ESR1: variants seen among roughly 807,000 people sequenced by gnomAD.
ESR1 encodes the protein estrogen receptor.
A neutral mutation model predicts 52.7 loss-of-function variants in ESR1; 12 were observed. The observed-to-expected ratio is 0.23, with a 90% confidence interval of 0.15 to 0.37. The LOEUF (loss-of-function observed/expected upper bound fraction) is 0.37. ESR1 is among the 10% of genes least tolerant of loss of function. The probability of loss-of-function intolerance (pLI) is 1.00; values close to 1 mark genes in which losing one functional copy is unlikely to be tolerated. For missense variants in ESR1, 584 were observed against 779.7 expected (o/e 0.75, Z 2.99); for synonymous variants, 305 against 316.8 (o/e 0.96, Z 0.39).
At chr6:151,837,121 CTTT>C (rs11372738) in intron 1 of ESR1, among the ~76,000 whole-genome samples, 7 of 134,392 alleles carry the variant, frequency 5.2e-5, no homozygotes, top group Non-Finnish European at 7.8e-5. Flanking sequence ...AGACATCCCT[CTTT>C]TTTTTTTTTT....
At chr6:151,875,909 G>T (rs1270358223) in intron 2 of ESR1, among the ~76,000 whole-genome samples, 1 of 152,120 alleles carries the variant, frequency 6.6e-6, no homozygotes, top group Non-Finnish European at 1.5e-5. Flanking sequence ...GGAGCCTCAG[G>T]ACATTGAGGC....
chr6:151,696,328 C>T (rs138017605), intron 1 of ESR1, among the ~76,000 whole-genome samples: 3,018 of 151,888 alleles, frequency 0.02, 38 homozygotes, highest in East Asian at 0.032. Context: ...AAAAATTAGC[C>T]GGACATGGTG....
chr6:151,916,017 A>G (rs2030061538), intron 3 of ESR1, among the ~76,000 whole-genome samples: 1 of 152,234 alleles, frequency 6.6e-6, no homozygotes, highest in Admixed American at 6.5e-5. Context: ...GGCAATTGTA[A>G]GCAAAGGATC....
chr6:152,123,444 AC>A (rs2052166777), intron 6 of ESR1, among the ~76,000 whole-genome samples: 2 of 152,226 alleles, frequency 1.3e-5, no homozygotes, highest in Admixed American at 6.5e-5. Flanking sequence ...ACTCAAAGTG[AC>A]AAGTTTTTCT....
chr6:152,035,434 A>C (rs1584934582), intron 5 of ESR1, among the ~76,000 whole-genome samples: 1 of 152,198 alleles, frequency 6.6e-6, no homozygotes, highest in East Asian at 1.9e-4. Flanking sequence ...CAGTAATATC[A>C]TAAAACATTA....
chr6:152,056,614 T>G (rs183101937), intron 5 of ESR1, among the ~76,000 whole-genome samples: 2 of 152,320 alleles, frequency 1.3e-5, no homozygotes, highest in East Asian at 3.9e-4. Flanking sequence ...GAACATGCCA[T>G]GAGCAAATGC....
intron 2 of ESR1, among the ~76,000 whole-genome samples, chr6:151,708,960 T>C (rs900243401): frequency 3.9e-5 from 6 of 152,204 alleles, no homozygotes; most frequent in African/African-American, 1.4e-4. Context: ...CATGAAGTTA[T>C]CATTTTTGTG....
chr6:151,856,052 A>G (rs1425438718), intron 2 of ESR1, among the ~76,000 whole-genome samples: 2 of 152,224 alleles, frequency 1.3e-5, no homozygotes, highest in Non-Finnish European at 1.5e-5. Context: ...TTTCTTATAT[A>G]TATGTTTCAC....
intron 1 of ESR1, among the ~76,000 whole-genome samples, chr6:151,672,458 T>C (rs1446447871): frequency 6.6e-6 from 1 of 152,054 alleles, no homozygotes; most frequent in African/African-American, 2.4e-5. Context: ...TGCCTCAGCC[T>C]CCTAGGTAGC....
intron 2 of ESR1, among the ~76,000 whole-genome samples, chr6:151,727,499 G>A (rs1781934554): frequency 6.6e-6 from 1 of 152,104 alleles, no homozygotes; most frequent in Non-Finnish European, 1.5e-5. Context: ...ACTATGCCTG[G>A]CTGGATTCAT....
Position 151,868,516 on chromosome 6 carries a change from T to C in ESR1, c.644-12139T>C, listed in dbSNP as rs117855749. On this transcript the variant is annotated intron_variant, in intron 2 of 7. Coordinates refer to ENST00000206249, the MANE Select transcript of ESR1 (RefSeq NM_000125.4). ...TCTATTGTTTCTGTCTTTATGTTCATGTGTACCAAATATTTAGCTCCCACT... is the reference window on the plus strand; with the variant it reads ...TCTATTGTTTCTGTCTTTATGTTCACGTGTACCAAATATTTAGCTCCCACT... Among the ~76,000 whole-genome samples, 1,300 of 152,292 alleles carry C rather than the reference T, an allele frequency of 8.5e-3. 12 individuals carry two copies. Among genetic ancestry groups the C allele is most frequent in the Middle Eastern group, 0.017 (5 of 294 alleles).
chr6:151,808,338 C>G lies in ESR1; in HGVS notation c.426C>G (p.Arg142=), dbSNP rs2128157153. The change falls in exon 1 of 8, where the codon CGC becomes CGG. Residue 142 remains arginine, a synonymous_variant. Transcript: ENST00000206249. The stretch of plus-strand genomic sequence containing the variant: ...ACGAGCCCAGCGGCTACACGGTGCG[C>G]GAGGCCGGCCCGCCGGCATTCTACA... ...LENEPSGYTV[R]EAGPPAFYRP... is the part of the protein sequence containing the mutation. 6.8e-7 allele frequency: 1 copy of G among 1,481,246 alleles called. No homozygotes were observed. Among genetic ancestry groups the G allele is most frequent in the Non-Finnish European group, 9.0e-7 (1 of 1,109,488 alleles). The allele number at this position is 1,481,246 out of a possible 1,614,324, so 91.8% of individuals were successfully genotyped here. A position where few individuals can be genotyped will look rare whatever the true frequency, so the allele number is the denominator to read the frequency against.
chr6:151,991,607 A>T (rs2041026849), intron 4 of ESR1, among the ~76,000 whole-genome samples: 1 of 152,132 alleles, frequency 6.6e-6, no homozygotes, highest in Non-Finnish European at 1.5e-5. Flanking sequence ...TTTCACAGAG[A>T]AAACGGCCCC....
intron 7 of ESR1, chr6:152,096,565 A>G (rs1217043953): frequency 2.2e-6 from 1 of 448,938 alleles, no homozygotes; most frequent in Non-Finnish European, 4.5e-6. Flanking sequence ...TGAGGGAATG[A>G]ATGGATGAAC....
At chr6:152,044,707 C>T (rs557681724) in intron 5 of ESR1, among the ~76,000 whole-genome samples, 17 of 152,286 alleles carry the variant, frequency 1.1e-4, no homozygotes, top group South Asian at 8.3e-4. Flanking sequence ...AGATGGAAGC[C>T]GGAAGACTTA....
chr6:151,683,790 C>A (rs1040280510), intron 1 of ESR1, among the ~76,000 whole-genome samples: 1 of 151,980 alleles, frequency 6.6e-6, no homozygotes, highest in African/African-American at 2.4e-5. Context: ...CCTCCACCTC[C>A]CAGGTTCAAG....
intron 5 of ESR1, among the ~76,000 whole-genome samples, chr6:152,060,204 G>T (rs1396791720): frequency 6.6e-6 from 1 of 152,090 alleles, no homozygotes; most frequent in Non-Finnish European, 1.5e-5. Context: ...TTTAATAGTT[G>T]CAACTACTAA....
At chr6:151,886,832 GGAGT>G (rs1190204100) in intron 3 of ESR1, among the ~76,000 whole-genome samples, 2 of 152,088 alleles carry the variant, frequency 1.3e-5, no homozygotes, top group Middle Eastern at 3.2e-3. Flanking sequence ...CCTGAGATCA[GGAGT>G]TTGAGACCAG....
rs557714316 is a variant in ESR1 at position 151,956,683 on chromosome 6, C to T, written c.1096+12175C>T. 8.6e-5 allele frequency among the ~76,000 whole-genome samples: 13 copies of T among 151,736 alleles called. No homozygotes were observed. In the South Asian group the frequency reaches 1.5e-3, roughly 17 times the overall value. ...AGCATAGGCTAAAGAAGTGATCGTG[C>T]ATGTTTAAAGAGTTGTATCATTTTA... On this transcript the variant is annotated intron_variant, in intron 4 of 7. Transcript: ENST00000206249.
Sources: allele counts gnomAD v4.1 joint callset (sites outside exome capture counted in the v4.1 genomes callset), GRCh38; gene constraint gnomAD v4.1.1; transcripts MANE v1.5; gene names NCBI Gene and HGNC (gene_info 2026-07-23, HGNC 2026-07-21).